Variants in BRD9 observed in about 807,000 individuals in gnomAD.
BRD9 encodes the protein bromodomain containing 9.
A neutral mutation model predicts 68.7 loss-of-function variants in BRD9; 47 were observed. The observed-to-expected ratio is 0.68, with a 90% CI of 0.54 to 0.87. The LOEUF (loss-of-function observed/expected upper bound fraction) is 0.87. Among genes scored for constraint, BRD9 ranks in the 40% least tolerant of loss-of-function variants. The pLI is 0.00. For synonymous variants in BRD9, 313 were observed against 293.9 expected (o/e 1.06, Z -0.67); for missense variants, 670 against 748.4 (o/e 0.90, Z 1.22).
At chr5:864,929 G>A (rs987727410) in intron 15 of BRD9, among the ~76,000 whole-genome samples, 8 of 152,172 alleles carry the variant, frequency 5.3e-5, no homozygotes, top group African/African-American at 1.9e-4. Context: ...TTAACACCCT[G>A]ATCACAAGGT....
Position 869,510 on chromosome 5 carries a change from C to T in BRD9, c.1525+963G>A, listed in dbSNP as rs958983180. On this transcript the variant is annotated intron_variant, in intron 14 of 15. Transcript: ENST00000467963. Reference sequence around the variant, plus strand: ...ACATTCTGTAGAGAATCTCCTGCCCCTTCCAAGTCTCTTCCTGACCCAACA... The same window carrying T: ...ACATTCTGTAGAGAATCTCCTGCCCTTTCCAAGTCTCTTCCTGACCCAACA... The T allele has an allele frequency of 5.7e-5, 21 of 369,528 alleles. No homozygotes were observed. In the Admixed American group the frequency reaches 6.6e-4, roughly 12 times the overall value. The allele number at this position is 369,528 out of a possible 1,614,324, so 22.9% of individuals were successfully genotyped here.
At chr5:881,344 C>T (rs1056375201) in intron 8 of BRD9, 162 bp from the exon 9 acceptor site, 7 of 691,066 alleles carry the variant, frequency 1.0e-5, no homozygotes, top group East Asian at 5.4e-5. Flanking sequence ...TCAGACTCAC[C>T]GGCAACAGCA....
intron 12 of BRD9, among the ~76,000 whole-genome samples, chr5:875,616 G>C (rs947891639): frequency 6.6e-6 from 1 of 152,106 alleles, no homozygotes; most frequent in African/African-American, 2.4e-5. Flanking sequence ...CAAAGTGCTG[G>C]GATTACAAGT....
intron 3 of BRD9, among the ~76,000 whole-genome samples, chr5:890,836 G>A (rs1279869905): frequency 7.2e-5 from 11 of 152,088 alleles, no homozygotes; most frequent in Non-Finnish European, 1.3e-4. Flanking sequence ...TAGGCTTTGC[G>A]GGTCACATAC....
In BRD9 at chr5:892,630, C is replaced by A. The variant is rs754614001; in HGVS notation, c.28G>T (p.Ala10Ser). 1.3e-6 allele frequency: 2 copies of A among 1,509,776 alleles called. No homozygotes were observed. The highest frequency in any genetic ancestry group is 2.2e-5 in the Admixed American group (1 of 46,042). 93.5% of individuals were successfully genotyped at this position (1,509,776 alleles called of 1,614,324 possible). A position where few individuals can be genotyped will look rare whatever the true frequency, so the allele number is the denominator to read the frequency against. The change falls in exon 1 of 16, where the codon GCC becomes TCC. Residue 10 changes from alanine to serine, a missense_variant. Physicochemically the swap from Ala to Ser is moderately conservative, Grantham distance 99. Coordinates refer to ENST00000467963, the MANE Select transcript of BRD9 (RefSeq NM_023924.5). MGKKHKKHK[A>S]EWRSSYEDYA... ...CCCTCGTAGGACGAGCGCCACTCGGCCTTGTGCTTCTTGTGCTTCTTGCCC... is the reference window on the plus strand; with the variant it reads ...CCCTCGTAGGACGAGCGCCACTCGGACTTGTGCTTCTTGTGCTTCTTGCCC...
At chr5:886,940 C>A in intron 6 of BRD9, 1 of 633,974 alleles carries the variant, frequency 1.6e-6, no homozygotes, top group South Asian at 1.9e-5. Flanking sequence ...CAGAGCGCGG[C>A]AGGTGCCGCA....
chr5:869,338 T>G (rs1472435092), intron 14 of BRD9: 1 of 456,248 alleles, frequency 2.2e-6, no homozygotes, highest in South Asian at 1.5e-5. Context: ...TCCGTGGTAA[T>G]AAGACACCAA....
At chr5:875,850 G>A (rs1031453153) in intron 12 of BRD9, among the ~76,000 whole-genome samples, 5 of 152,218 alleles carry the variant, frequency 3.3e-5, no homozygotes, top group African/African-American at 1.2e-4. Flanking sequence ...CAGGATGAAG[G>A]AAAGTGACAG....
intron 9 of BRD9, 61 bp downstream of exon 9, chr5:881,046 C>A: frequency 1.3e-6 from 2 of 1,533,136 alleles, no homozygotes; most frequent in South Asian, 1.1e-5. Flanking sequence ...TACAGAATAT[C>A]AACGGAGGCC....
chr5:864,190 G>A lies in BRD9; in HGVS notation c.*278C>T, dbSNP rs767486848. On this transcript the variant is annotated 3_prime_UTR_variant, in exon 16 of 16. Transcript: ENST00000467963. ...CTGACACGATGGCCACACGCCCTTC[G>A]TGTATGACTCCACTCCTCAGGGTTC... The A allele has an allele frequency of 5.5e-5, 15 of 271,128 alleles. No individual in the cohort carries two copies. Among genetic ancestry groups the A allele is most frequent in the Non-Finnish European group, 9.3e-5 (13 of 139,258 alleles). The allele number at this position is 271,128 out of a possible 1,614,324, so 16.8% of individuals were successfully genotyped here.
In BRD9 at chr5:886,624, C is replaced by T. The variant is rs2150632058; in HGVS notation, c.801G>A (p.Lys267=). 1.2e-6 allele frequency: 2 copies of T among 1,613,622 alleles called. No homozygotes were observed. Among genetic ancestry groups the T allele is most frequent in the Non-Finnish European group, 1.7e-6 (2 of 1,179,894 alleles). Residue 267 remains lysine, a synonymous_variant, in exon 7 of 16, where the codon AAG becomes AAA. Transcript: ENST00000467963. ...CTTCTCTACTCGGCTTTTTGGATTT[C>T]TTGGCAGTTTCTACTTGTACTGGTA... ...EVVPVQVETA[K]KSKKPSREVI...
chr5:883,857 C>A, intron 8 of BRD9, 81 bp downstream of exon 8: 1 of 1,552,226 alleles, frequency 6.4e-7, no homozygotes, highest in South Asian at 1.2e-5. Context: ...TGCTAGATCA[C>A]ACAGCACCAA....
rs1347723328 is a variant in BRD9 at position 891,429 on chromosome 5, C to G, written c.268-142G>C. The G allele has an allele frequency of 6.6e-6, 9 of 1,355,276 alleles. No individual in the cohort carries two copies. In the Admixed American group the frequency reaches 2.4e-4, roughly 37 times the overall value. 84.0% of individuals were successfully genotyped at this position (1,355,276 alleles called of 1,614,324 possible). A position where few individuals can be genotyped will look rare whatever the true frequency, so the allele number is the denominator to read the frequency against. On this transcript the variant is annotated intron_variant, in intron 2 of 15. Coordinates refer to ENST00000467963, the MANE Select transcript of BRD9 (RefSeq NM_023924.5). Reference sequence around the variant, plus strand: ...GATCCTCCTCATGCCAGGCTCCCTCCTCACAGAGACCCTGGCAGGGTCTGC... The same window carrying G: ...GATCCTCCTCATGCCAGGCTCCCTCGTCACAGAGACCCTGGCAGGGTCTGC...
At chr5:885,986 G>T (rs745465721) in intron 7 of BRD9, among the ~76,000 whole-genome samples, 1 of 152,192 alleles carries the variant, frequency 6.6e-6, no homozygotes, top group Non-Finnish European at 1.5e-5. Flanking sequence ...AGAAAAAAAG[G>T]AAGAAGGTTC....
At position 889,052 on chromosome 5, in the gene BRD9, G is replaced by A. The variant is rs767946075; in HGVS notation, c.575C>T (p.Ala192Val). The A allele has an allele frequency of 3.7e-6, 6 of 1,609,734 alleles. No homozygotes were observed. Among genetic ancestry groups the A allele is most frequent in the Non-Finnish European group, 5.1e-6 (6 of 1,178,944 alleles). ...DFGTMKDKIV[A>V]NEYKSVTEFK... ...TTCCGTAACTGACTTGTATTCATTA[G>A]CTACAATTTTGTCTTTCATGGTGCC... Residue 192 changes from alanine to valine, a missense_variant, in exon 5 of 16, where the codon GCT becomes GTT. Around this residue, in one of 5 missense-constraint regions of BRD9, gnomAD observed 94 missense variants for 157.2 expected, o/e 0.60. Coordinates refer to ENST00000467963, the MANE Select transcript of BRD9 (RefSeq NM_023924.5).
intron 8 of BRD9, chr5:883,573 C>A: frequency 2.5e-6 from 1 of 392,672 alleles, no homozygotes; most frequent in Middle Eastern, 6.4e-4. Context: ...CCAACACCAG[C>A]ACCCCCACTG....
At chr5:880,950 G>A (rs566433793) in intron 9 of BRD9, among the ~76,000 whole-genome samples, 157 bp downstream of exon 9, 1 of 152,356 alleles carries the variant, frequency 6.6e-6, no homozygotes, top group South Asian at 2.1e-4. Flanking sequence ...CCTCCACTCA[G>A]CGCACGTGTC....
At chr5:873,919 A>C (rs983421297) in intron 12 of BRD9, among the ~76,000 whole-genome samples, 81 of 152,226 alleles carry the variant, frequency 5.3e-4, no homozygotes, top group African/African-American at 1.9e-3. Context: ...GCCACTCCTT[A>C]GCATTAAGGC....
At chr5:878,055 T>C (rs1395755874) in intron 11 of BRD9, among the ~76,000 whole-genome samples, 1 of 152,182 alleles carries the variant, frequency 6.6e-6, no homozygotes, top group Non-Finnish European at 1.5e-5. Flanking sequence ...CACTGCAGCC[T>C]GAGCTAGCAC....
Sources: gnomAD v4.1 joint callset for allele counts (sites outside exome capture counted in the v4.1 genomes callset) on GRCh38, gnomAD v4.1.1 for gene constraint, gnomAD v4.1.1 regional missense constraint, MANE v1.5 for transcripts, NCBI Gene and HGNC (gene_info 2026-07-23, HGNC 2026-07-21) for gene names.